The following PRAMEF4 variants were observed in gnomAD, a reference collection of about 807,000 sequenced individuals.
PRAMEF4 encodes the protein PRAME family member 4, also known as RP5-845O24.6.
Under a neutral mutation model 34.4 loss-of-function variants are expected in PRAMEF4, and 18 were observed. The ratio of observed to expected loss-of-function variants is 0.52; its 90% CI spans 0.36 to 0.78. The LOEUF (loss-of-function observed/expected upper bound fraction) is 0.78, where lower values mean the gene tolerates loss of function less well. Among genes scored for constraint, PRAMEF4 ranks in the 30% least tolerant of loss-of-function variants. The probability of loss-of-function intolerance (pLI) is 0.00; values close to 1 mark genes in which losing one functional copy is unlikely to be tolerated. For missense variants in PRAMEF4, 482 were observed against 569.1 expected (o/e 0.85, Z 1.56); for synonymous variants, 156 against 219.3 (o/e 0.71, Z 2.55).
At position 12,879,741 on chromosome 1, in the gene PRAMEF4, G is replaced by A; in HGVS notation, c.1240C>T (p.Leu414=). Reference sequence around the variant, plus strand: ...TAACTCTCCCGGGGGGCAGGATACAGCTCCACGCATAAGTTTTTGAGTATG... The same window carrying A: ...TAACTCTCCCGGGGGGCAGGATACAACTCCACGCATAAGTTTTTGAGTATG... ...TIILKNLCVE[L]YPAPRESYGA... Residue 414 remains leucine, a synonymous_variant, in exon 4 of 4, where the codon CTG becomes TTG. Transcript: ENST00000235349. The A allele has an allele frequency of 1.2e-6, 2 of 1,603,254 alleles. No individual in the cohort carries two copies. Among genetic ancestry groups the A allele is most frequent in the Non-Finnish European group, 1.7e-6 (2 of 1,175,544 alleles).
chr1:12,880,688 A>C (rs1481472223), intron 3 of PRAMEF4, among the ~76,000 whole-genome samples: 1 of 148,616 alleles, frequency 6.7e-6, no homozygotes, highest in East Asian at 2.0e-4. Context: ...CTCATCTGTC[A>C]GGCAGAAAAC....
At chr1:12,880,795 G>A (rs1640873583) in intron 3 of PRAMEF4, among the ~76,000 whole-genome samples, 1 of 145,632 alleles carries the variant, frequency 6.9e-6, no homozygotes, top group East Asian at 2.0e-4. Flanking sequence ...CGGGCTGCAG[G>A]CGTCCCTGAC....
At chr1:12,885,600 G>A (rs1357751332) in intron 1 of PRAMEF4, among the ~76,000 whole-genome samples, 1 of 146,656 alleles carries the variant, frequency 6.8e-6, no homozygotes, top group Non-Finnish European at 1.5e-5. Context: ...GGCCAGCGTG[G>A]TGAAACCCCA....
At chr1:12,885,306 G>A (rs1257076930) in intron 1 of PRAMEF4, among the ~76,000 whole-genome samples, 6 of 149,904 alleles carry the variant, frequency 4.0e-5, no homozygotes, top group Middle Eastern at 3.5e-3. Flanking sequence ...CTCCATTTGG[G>A]TGGAAGAGGA....
rs1426214041 is a variant in PRAMEF4 at position 12,883,245 on chromosome 1, G to A, written c.150C>T (p.Arg50=). ...PLFMEAFSRR[R]CEALKLMVQS... is the part of the protein sequence containing the mutation. ...GCACCATCAGCTTCAGGGCCTCACAGCGTCTCCTGCTGAAGGCCTCCATGA... is the reference window on the plus strand; with the variant it reads ...GCACCATCAGCTTCAGGGCCTCACAACGTCTCCTGCTGAAGGCCTCCATGA... Residue 50 remains arginine, a synonymous_variant, in exon 2 of 4, where the codon CGC becomes CGT. Transcript: ENST00000235349. The A allele has an allele frequency of 1.9e-6, 3 of 1,599,246 alleles. 1 individual carries two copies. The highest frequency in any genetic ancestry group is 2.6e-6 in the Non-Finnish European group (3 of 1,173,134).
intron 1 of PRAMEF4, among the ~76,000 whole-genome samples, chr1:12,884,976 G>A (rs1349840350): frequency 8.7e-5 from 13 of 149,892 alleles, no homozygotes; most frequent in Non-Finnish European, 1.8e-4. Context: ...CAGAAAGAAA[G>A]AAAACTTGAA....
chr1:12,880,834 C>A (rs1473631782), intron 3 of PRAMEF4, among the ~76,000 whole-genome samples: 1 of 146,144 alleles, frequency 6.8e-6, no homozygotes, highest in East Asian at 2.0e-4. Flanking sequence ...AACCATCTAT[C>A]ACTTTCACCA....
chr1:12,883,166 G>C lies in PRAMEF4; in HGVS notation c.229C>G (p.Leu77Val). The C allele has an allele frequency of 6.2e-7, 1 of 1,601,404 alleles. No individual in the cohort carries two copies. The highest frequency in any genetic ancestry group is 8.5e-7 in the Non-Finnish European group (1 of 1,174,134). Residue 77 changes from leucine (L) to valine (V), a missense_variant, in exon 2 of 4, where the codon CTG becomes GTG. Leu to Val is a conservative substitution (Grantham distance 32). Coordinates refer to ENST00000235349, the MANE Select transcript of PRAMEF4 (RefSeq NM_001009611.4). ...TCGAGCACAGCTTGGAAGGCCTCCA[G>C]ACAAGGCATCTTTATCAGAGGCCTC... Reference protein sequence around the residue: ...PLRPLIKMPCLEAFQAVLDGL... With the variant: ...PLRPLIKMPCVEAFQAVLDGL...
At chr1:12,885,785 C>T (rs1640990567) in intron 1 of PRAMEF4, among the ~76,000 whole-genome samples, 1 of 145,998 alleles carries the variant, frequency 6.8e-6, no homozygotes, top group Non-Finnish European at 1.5e-5. Flanking sequence ...ACTCCATCCC[C>T]ACCCTCAAAA....
Position 12,884,651 on chromosome 1 carries a change from G to A in PRAMEF4, c.-16-1241C>T, listed in dbSNP as rs552646712. Among the ~76,000 whole-genome samples, 122 of 147,748 alleles carry A rather than the reference G, an allele frequency of 8.3e-4. 1 individual carries two copies. The East Asian group carries it at 0.018, about 21-fold the overall frequency. On this transcript the variant is annotated intron_variant, in intron 1 of 3. Coordinates refer to ENST00000235349, the MANE Select transcript of PRAMEF4 (RefSeq NM_001009611.4). ...GATCACTTGAACCCAGGAGGCAGAA[G>A]TTGCAGTGAGCTGACATTATACCAC...
At position 12,882,163 on chromosome 1, in the gene PRAMEF4, A is replaced by C; in HGVS notation, c.566T>G (p.Ile189Ser). The change falls in exon 3 of 4, where the codon ATT (isoleucine) becomes AGT (serine). Residue 189 changes from isoleucine (I) to serine (S), a missense_variant. Physicochemically the swap from Ile to Ser is moderately radical, Grantham distance 142 (BLOSUM62 -2). Coordinates refer to ENST00000235349, the MANE Select transcript of PRAMEF4 (RefSeq NM_001009611.4). Reference sequence around the variant, plus strand: ...GATATTGCGGAAGGGCATTCCCAAAATTTTCAGCTTCTTACAGCACAGGTG... The same window carrying C: ...GATATTGCGGAAGGGCATTCCCAAACTTTTCAGCTTCTTACAGCACAGGTG... ...LLHLCCKKLK[I>S]LGMPFRNIRS... The C allele has an allele frequency of 6.3e-7, 1 of 1,581,652 alleles. No individual in the cohort carries two copies. Among genetic ancestry groups the C allele is most frequent in the Non-Finnish European group, 8.6e-7 (1 of 1,166,826 alleles).
chr1:12,879,973 G>A lies in PRAMEF4; in HGVS notation c.1008C>T (p.Thr336=). ...KTLDLSGIRL[T]NYSLVPLQIL... is the part of the protein sequence containing the mutation. The stretch of plus-strand genomic sequence containing the variant: ...TTTGGAGAGGCACAAGACTGTAATT[G>A]GTCAGTCTGATGCCACTCAGGTCCA... Residue 336 remains threonine (T), a synonymous_variant, in exon 4 of 4, where the codon ACC becomes ACT. Coordinates refer to ENST00000235349, the MANE Select transcript of PRAMEF4 (RefSeq NM_001009611.4). The A allele has an allele frequency of 6.2e-7, 1 of 1,600,822 alleles. No homozygotes were observed. The highest frequency in any genetic ancestry group is 8.5e-7 in the Non-Finnish European group (1 of 1,173,744).
In PRAMEF4 at chr1:12,880,205, C is replaced by G. The variant is rs931409781; in HGVS notation, c.876-100G>C. The G allele has an allele frequency of 1.2e-5, 18 of 1,547,158 alleles. 1 individual carries two copies. Among genetic ancestry groups the G allele is most frequent in the Admixed American group, 8.7e-5 (5 of 57,654 alleles). On this transcript the variant is annotated intron_variant, in intron 3 of 3. Coordinates refer to ENST00000235349, the MANE Select transcript of PRAMEF4 (RefSeq NM_001009611.4). ...GGTAATGGATGGAGACCTTTTTGCC[C>G]AAGTCCAGGGTCATTCTGATGGCCT...
chr1:12,885,011 G>A (rs1415966212), intron 1 of PRAMEF4, among the ~76,000 whole-genome samples: 1 of 150,024 alleles, frequency 6.7e-6, no homozygotes, highest in African/African-American at 2.4e-5. Context: ...GGGATCCTTG[G>A]CCACATCAAA....
rs940949903 is a variant in PRAMEF4, at chr1:12,883,952, T to C, written c.-16-542A>G. On this transcript the variant is annotated intron_variant, in intron 1 of 3. Transcript: ENST00000235349. ...TTCTTTCCCCCTCTCTCTCCCTTTT[T>C]TCTTTCTTGTCTTCTTTCCCTGCCT... Among the ~76,000 whole-genome samples, 8 of 144,136 alleles carry C rather than the reference T, an allele frequency of 5.6e-5. 1 individual carries two copies. The highest frequency in any genetic ancestry group is 1.1e-4 in the Non-Finnish European group (7 of 65,784). The allele number at this position is 144,136 out of a possible 152,430, so 94.6% of individuals were successfully genotyped here.
rs1369566829 is a variant in PRAMEF4 at position 12,881,785 on chromosome 1, A to G, written c.875+69T>C. On this transcript the variant is annotated intron_variant, in intron 3 of 3. Coordinates refer to ENST00000235349, the MANE Select transcript of PRAMEF4 (RefSeq NM_001009611.4). ...ATCCTCATAGGCTGGCTCACAGTAG[A>G]TGCCCACTAGTGTTTACTGTAACAG... 3.8e-6 allele frequency: 6 copies of G among 1,594,950 alleles called. No individual in the cohort carries two copies. In the South Asian group the frequency reaches 4.4e-5, roughly 12 times the overall value.
intron 1 of PRAMEF4, among the ~76,000 whole-genome samples, chr1:12,884,405 G>GTTACGCACACCTC (rs1640954602): frequency 6.7e-6 from 1 of 149,616 alleles, no homozygotes; most frequent in African/African-American, 2.5e-5. Context: ...ATGCACACTT[G>GTTACGCACACCTC]TTACACATGT....
At position 12,879,338 on chromosome 1, in the gene PRAMEF4, C is replaced by T. The variant is rs909650; in HGVS notation, c.*206G>A. The T allele has an allele frequency of 0.16, 112,825 of 727,388 alleles. 12,680 individuals are homozygous for T. The highest frequency in any genetic ancestry group is 0.23 in the African/African-American group (9,395 of 41,570). 45.1% of individuals were successfully genotyped at this position (727,388 alleles called of 1,614,324 possible). A position where few individuals can be genotyped will look rare whatever the true frequency, so the allele number is the denominator to read the frequency against. ...GATTCCCATTTTCGACTCTACAGGACACAGGTCCCCAAAGTCCCATCGAAT... is the reference window on the plus strand; with the variant it reads ...GATTCCCATTTTCGACTCTACAGGATACAGGTCCCCAAAGTCCCATCGAAT... On this transcript the variant is annotated 3_prime_UTR_variant, in exon 4 of 4. Transcript: ENST00000235349.
At chr1:12,882,913 G>A (rs556174355) in intron 2 of PRAMEF4, among the ~76,000 whole-genome samples, 189 bp downstream of exon 2, 6 of 147,132 alleles carry the variant, frequency 4.1e-5, no homozygotes, top group African/African-American at 1.5e-4. Flanking sequence ...CATTAGAGGA[G>A]AGGTTCCTGT....
Sources: allele counts gnomAD v4.1 joint callset (sites outside exome capture counted in the v4.1 genomes callset), GRCh38; gene constraint gnomAD v4.1.1; transcripts MANE v1.5; gene names NCBI Gene and HGNC (gene_info 2026-07-23, HGNC 2026-07-21).